The following ZNF75D variants were observed in gnomAD, a reference collection of about 807,000 sequenced individuals.
The protein encoded by ZNF75D is zinc finger protein 75.
A neutral mutation model predicts 33.3 loss-of-function variants in ZNF75D; 33 were observed. The observed-to-expected ratio is 0.99, with a 90% CI of 0.75 to 1.32. The LOEUF (loss-of-function observed/expected upper bound fraction) is 1.32, where lower values mean the gene tolerates loss of function less well. Ranked by LOEUF, ZNF75D falls within the 40% of genes most tolerant of loss-of-function variation. The pLI is 0.00. For synonymous variants in ZNF75D, 113 were observed against 130.6 expected (o/e 0.87, Z 0.92); for missense variants, 338 against 367.5 (o/e 0.92, Z 0.66).
intron 1 of ZNF75D, among the ~76,000 whole-genome samples, chrX:135,312,326 C>T (rs781806305): frequency 7.2e-5 from 8 of 111,346 alleles, no homozygotes; most frequent in Admixed American, 1.9e-4. Context: ...ACATGGATTG[C>T]GGAATTTTTT....
At chrX:135,304,168 G>T (rs1249037863) in intron 1 of ZNF75D, among the ~76,000 whole-genome samples, 12 of 111,818 alleles carry the variant, frequency 1.1e-4, no homozygotes, top group Middle Eastern at 4.6e-3. Flanking sequence ...GCCATCTCTG[G>T]CTGCCAGTGA....
At chrX:135,295,605 G>A (rs986644882) in intron 2 of ZNF75D, among the ~76,000 whole-genome samples, 163 bp downstream of exon 2, 8 of 112,205 alleles carry the variant, frequency 7.1e-5, no homozygotes, top group Non-Finnish European at 1.9e-5. Flanking sequence ...GCGACCTGCC[G>A]CCTGTCAGTG....
At chrX:135,338,070 G>C (rs112699550) in intron 1 of ZNF75D, among the ~76,000 whole-genome samples, 2 of 111,401 alleles carry the variant, frequency 1.8e-5, no homozygotes, top group African/African-American at 6.5e-5. Context: ...GACAGAGCTC[G>C]CAGGATGGGG....
chrX:135,265,241 T>C (rs1556416175), intron 1 of ZNF75D, among the ~76,000 whole-genome samples: 1 of 109,870 alleles, frequency 9.1e-6, no homozygotes, highest in Non-Finnish European at 1.9e-5. Flanking sequence ...AAAAGAGTTA[T>C]TGGCCTTAAA....
intron 1 of ZNF75D, among the ~76,000 whole-genome samples, chrX:135,275,885 T>A (rs2083897637): frequency 9.0e-6 from 1 of 111,482 alleles, no homozygotes; most frequent in Non-Finnish European, 1.9e-5. Context: ...ATGTGTTGAG[T>A]ATACTTTCGT....
intron 1 of ZNF75D, among the ~76,000 whole-genome samples, chrX:135,276,074 C>A (rs1476528067): frequency 1.8e-5 from 2 of 111,568 alleles, no homozygotes; most frequent in African/African-American, 6.5e-5. Flanking sequence ...AAATTTCTTA[C>A]CATTCAGACT....
chrX:135,303,328 C>T (rs1300810259), intron 1 of ZNF75D, among the ~76,000 whole-genome samples: 1 of 111,251 alleles, frequency 9.0e-6, no homozygotes, highest in African/African-American at 3.3e-5. Context: ...TCCCTTCCCA[C>T]GAGGCCATAT....
chrX:135,305,862 C>T (rs1198750513), intron 1 of ZNF75D, among the ~76,000 whole-genome samples: 1 of 111,650 alleles, frequency 9.0e-6, no homozygotes, highest in Non-Finnish European at 1.9e-5. Flanking sequence ...AGTTAAGAAA[C>T]CATGTGAACA....
chrX:135,311,383 G>A, intron 1 of ZNF75D, among the ~76,000 whole-genome samples: 1 of 112,401 alleles, frequency 8.9e-6, no homozygotes, highest in East Asian at 2.8e-4. Context: ...CTAACCCACA[G>A]TGGGAAATGG....
chrX:135,306,801 A>G (rs1291275607), intron 1 of ZNF75D, among the ~76,000 whole-genome samples: 1 of 112,655 alleles, frequency 8.9e-6, no homozygotes, highest in Non-Finnish European at 1.9e-5. Context: ...TAACATTTGC[A>G]ACCAATGTAA....
intron 1 of ZNF75D, among the ~76,000 whole-genome samples, chrX:135,317,050 C>T (rs2084429879): frequency 1.8e-5 from 2 of 111,035 alleles, no homozygotes; most frequent in African/African-American, 3.3e-5. Flanking sequence ...GTGTTTCCTG[C>T]GTCCTTACAT....
At chrX:135,274,067 C>T (rs181467044) in intron 1 of ZNF75D, among the ~76,000 whole-genome samples, 9 of 111,777 alleles carry the variant, frequency 8.1e-5, no homozygotes, top group Non-Finnish European at 1.5e-4. Context: ...AAAGTAAAAC[C>T]AGTGAGCTTG....
intron 1 of ZNF75D, among the ~76,000 whole-genome samples, chrX:135,315,396 T>A (rs1346308015): frequency 8.9e-6 from 1 of 112,404 alleles, no homozygotes; most frequent in Non-Finnish European, 1.9e-5. Context: ...CATGTGCTGA[T>A]GAAAAGAATG....
chrX:135,303,748 T>C (rs2084250552), intron 1 of ZNF75D, among the ~76,000 whole-genome samples: 1 of 112,680 alleles, frequency 8.9e-6, no homozygotes, highest in Non-Finnish European at 1.9e-5. Flanking sequence ...TAATGGTTGG[T>C]CCCCAGATGC....
intron 1 of ZNF75D, among the ~76,000 whole-genome samples, chrX:135,323,912 A>C (rs2084527951): frequency 9.0e-6 from 1 of 110,896 alleles, no homozygotes; most frequent in South Asian, 3.8e-4. Context: ...TGAGGAAGCC[A>C]AACCAAGAGA....
intron 1 of ZNF75D, among the ~76,000 whole-genome samples, chrX:135,315,432 T>C (rs1391031005): frequency 8.9e-6 from 1 of 112,543 alleles, no homozygotes; most frequent in Non-Finnish European, 1.9e-5. Flanking sequence ...TTGGATGAAA[T>C]GTTCTATAAA....
intron 1 of ZNF75D, among the ~76,000 whole-genome samples, chrX:135,318,464 T>C (rs1216535629): frequency 1.8e-5 from 2 of 111,495 alleles, no homozygotes; most frequent in Non-Finnish European, 3.8e-5. Flanking sequence ...AGTAGGACAA[T>C]TTGGCAAAGT....
chrX:135,277,721 C>A (rs1229095859), intron 1 of ZNF75D, among the ~76,000 whole-genome samples: 2 of 112,109 alleles, frequency 1.8e-5, no homozygotes, highest in Non-Finnish European at 3.8e-5. Context: ...GCCAGTTTTC[C>A]CAACACCATT....
intron 1 of ZNF75D, among the ~76,000 whole-genome samples, chrX:135,334,247 A>G (rs1263508992): frequency 1.8e-5 from 2 of 111,866 alleles, no homozygotes; most frequent in Non-Finnish European, 3.8e-5. Context: ...CAAGCAATCT[A>G]TGATGCCATT....
Sources: gnomAD v4.1 joint callset for allele counts (sites outside exome capture counted in the v4.1 genomes callset) on GRCh38, gnomAD v4.1.1 for gene constraint, MANE v1.5 for transcripts, NCBI Gene and HGNC (gene_info 2026-07-23, HGNC 2026-07-21) for gene names.